Variants in PDE4D observed in about 807,000 individuals in gnomAD.
PDE4D encodes the protein 3',5'-cyclic-AMP phosphodiesterase 4D.
A neutral mutation model predicts 87.4 loss-of-function variants in PDE4D; 24 were observed. The ratio of observed to expected loss-of-function variants is 0.27; its 90% confidence interval spans 0.20 to 0.39. The LOEUF (loss-of-function observed/expected upper bound fraction) is 0.39, where lower values mean the gene tolerates loss of function less well. PDE4D is among the 10% of genes least tolerant of loss of function. PDE4D has a pLI of 1.00. For missense variants in PDE4D, 714 were observed against 1,041.0 expected, an observed-to-expected ratio of 0.69 and a Z score of 4.32; for synonymous variants, 384 against 383.2, an observed-to-expected ratio of 1.00 and a Z score of -0.02.
rs530575109 is a variant in PDE4D at position 59,479,360 on chromosome 5, TG to T, written c.456-263393del. 2.2e-4 allele frequency among the ~76,000 whole-genome samples: 33 copies of T among 152,220 alleles called. 1 individual carries two copies. The highest frequency in any genetic ancestry group is 7.7e-4 in the African/African-American group (32 of 41,562). On this transcript the variant is annotated intron_variant, in intron 1 of 14. Transcript: ENST00000340635. The stretch of plus-strand genomic sequence containing the variant: ...ATCCACAGTCTACCCTTACTAGCTA[TG>T]GTTAACCCTAAACAATTCCAGATAA...
chr5:60,381,990 T>G (rs1418469256), intron 1 of PDE4D, among the ~76,000 whole-genome samples: 3 of 152,292 alleles, frequency 2.0e-5, no homozygotes, highest in Non-Finnish European at 4.4e-5. Context: ...TTCTGTTTAA[T>G]TTTATATATT....
intron 1 of PDE4D, among the ~76,000 whole-genome samples, chr5:60,296,989 T>C (rs1297061213): frequency 6.6e-6 from 1 of 152,052 alleles, no homozygotes; most frequent in Non-Finnish European, 1.5e-5. Context: ...ATACCTAATG[T>C]AGATGATGGG....
chr5:59,424,615 C>T (rs994953551), intron 1 of PDE4D, among the ~76,000 whole-genome samples: 2 of 152,080 alleles, frequency 1.3e-5, no homozygotes, highest in African/African-American at 4.8e-5. Flanking sequence ...GCTTATAAAA[C>T]CATCAGATTT....
intron 1 of PDE4D, among the ~76,000 whole-genome samples, chr5:59,877,270 G>A (rs746156163): frequency 6.6e-6 from 1 of 152,126 alleles, no homozygotes; most frequent in East Asian, 1.9e-4. Context: ...GGCTTGTTAA[G>A]TGTGATTAAC....
At chr5:60,506,549 G>A (rs1016484191) in intron 1 of PDE4D, among the ~76,000 whole-genome samples, 16 of 151,802 alleles carry the variant, frequency 1.1e-4, no homozygotes, top group African/African-American at 3.9e-4. Context: ...TCTGAGCAGA[G>A]GAGAAAAAAG....
At position 59,031,283 on chromosome 5, in the gene PDE4D, T is replaced by C. The variant is rs529961405; in HGVS notation, c.921+7576A>G. ...CATCAAAAAGATATTTGCACTCCCATATTCATTTCAGCTTTATTTACAACA... is the reference window on the plus strand; with the variant it reads ...CATCAAAAAGATATTTGCACTCCCACATTCATTTCAGCTTTATTTACAACA... On this transcript the variant is annotated intron_variant, in intron 6 of 14. Transcript: ENST00000340635. Among the ~76,000 whole-genome samples the C allele has an allele frequency of 2.8e-4, 42 of 150,808 alleles. 1 individual carries two copies. The South Asian group carries it at 8.4e-3, about 30-fold the overall frequency.
In PDE4D at chr5:58,977,927, G is replaced by A. The variant is rs191925669; in HGVS notation, c.1553-582C>T. On this transcript the variant is annotated intron_variant, in intron 11 of 14. Coordinates refer to ENST00000340635, the MANE Select transcript of PDE4D (RefSeq NM_001104631.2). Reference sequence around the variant, plus strand: ...CGTGGCAGTCATTGTATACTGTACAGGGATATTGCTCTTCCTGCCTGCTTG... The same window carrying A: ...CGTGGCAGTCATTGTATACTGTACAAGGATATTGCTCTTCCTGCCTGCTTG... Among the ~76,000 whole-genome samples, 12 of 152,212 alleles carry A rather than the reference G, an allele frequency of 7.9e-5. No individual in the cohort carries two copies. In the East Asian group the frequency reaches 2.3e-3, roughly 29 times the overall value.
intron 1 of PDE4D, among the ~76,000 whole-genome samples, chr5:60,326,690 C>T (rs772459788): frequency 1.1e-4 from 16 of 152,100 alleles, no homozygotes; most frequent in Non-Finnish European, 2.1e-4. Flanking sequence ...CCACACAGAG[C>T]TATTCGCTCA....
At chr5:60,364,555 CTT>C (rs944166900) in intron 1 of PDE4D, among the ~76,000 whole-genome samples, 3 of 152,028 alleles carry the variant, frequency 2.0e-5, no homozygotes, top group African/African-American at 7.3e-5. Context: ...TCTTAATAGT[CTT>C]TGATAAAAAC....
intron 11 of PDE4D, among the ~76,000 whole-genome samples, chr5:58,979,773 T>G (rs11951359): frequency 0.16 from 24,420 of 152,202 alleles, 2,089 homozygotes; most frequent in Admixed American, 0.19. Context: ...ACTTCTATAC[T>G]ACTTTGTACC....
At chr5:59,620,488 G>T (rs1192291509) in intron 1 of PDE4D, among the ~76,000 whole-genome samples, 2 of 152,150 alleles carry the variant, frequency 1.3e-5, no homozygotes, top group Non-Finnish European at 2.9e-5. Flanking sequence ...TTTTGAGGTT[G>T]GTTGGAGCAG....
At chr5:60,285,907 C>A (rs1356401668) in intron 1 of PDE4D, among the ~76,000 whole-genome samples, 3 of 152,158 alleles carry the variant, frequency 2.0e-5, no homozygotes, top group Non-Finnish European at 4.4e-5. Flanking sequence ...GTTTCAAATG[C>A]AATCACCAGA....
intron 1 of PDE4D, among the ~76,000 whole-genome samples, chr5:59,836,203 T>C (rs556419340): frequency 1.3e-5 from 2 of 152,136 alleles, no homozygotes; most frequent in African/African-American, 2.4e-5. Context: ...AGTATCATTA[T>C]TACAAAAGCA....
At chr5:59,388,645 A>ACACACACACACACACACT (rs1199453026) in intron 1 of PDE4D, among the ~76,000 whole-genome samples, 2 of 151,708 alleles carry the variant, frequency 1.3e-5, no homozygotes, top group Admixed American at 6.6e-5. Context: ...ACACACACAC[A>ACACACACACACACACACT]CACTCACACA....
intron 1 of PDE4D, among the ~76,000 whole-genome samples, chr5:60,217,142 T>C (rs2149587606): frequency 6.6e-6 from 1 of 152,120 alleles, no homozygotes; most frequent in Middle Eastern, 3.4e-3. Flanking sequence ...TTGAGGACAT[T>C]ATACCAAGTG....
chr5:60,517,026 C>A (rs77625289), intron 1 of PDE4D, among the ~76,000 whole-genome samples: 2,087 of 152,276 alleles, frequency 0.014, 17 homozygotes, highest in Middle Eastern at 0.031. Context: ...ACCCCCCTAC[C>A]CCCACAGGCT....
chr5:60,048,828 C>G (rs1769685787), intron 2 of PDE4D, among the ~76,000 whole-genome samples: 2 of 152,116 alleles, frequency 1.3e-5, no homozygotes, highest in Non-Finnish European at 2.9e-5. Flanking sequence ...TTTGGTGAAT[C>G]TGACAATTAT....
At chr5:59,836,651 T>TATCTATCTATC (rs1554095527) in intron 1 of PDE4D, among the ~76,000 whole-genome samples, 12 of 151,206 alleles carry the variant, frequency 7.9e-5, no homozygotes, top group African/African-American at 1.9e-4. Context: ...TCTATCTATC[T>TATCTATCTATC]ATCTATCATC....
intron 1 of PDE4D, among the ~76,000 whole-genome samples, chr5:59,380,405 A>AAAG (rs1554148718): frequency 2.9e-5 from 4 of 137,964 alleles, no homozygotes; most frequent in South Asian, 2.4e-4. Context: ...AAAAAAAAAA[A>AAAG]AGAGAGAGAA....
Sources: allele counts gnomAD v4.1 joint callset (sites outside exome capture counted in the v4.1 genomes callset), GRCh38; gene constraint gnomAD v4.1.1; transcripts MANE v1.5; gene names NCBI Gene and HGNC (gene_info 2026-07-23, HGNC 2026-07-21).